The following KSR2 variants were observed in gnomAD, a reference collection of about 807,000 sequenced individuals.
The protein encoded by KSR2 is kinase suppressor of ras 2.
In KSR2, 25 loss-of-function variants were observed where a neutral mutation model predicts 107.8. The observed-to-expected ratio is 0.23, with a 90% confidence interval of 0.17 to 0.32. KSR2 has a LOEUF of 0.32. Among genes scored for constraint, KSR2 ranks in the 10% least tolerant of loss-of-function variants. The probability of loss-of-function intolerance (pLI) is 1.00; values close to 1 mark genes in which losing one functional copy is unlikely to be tolerated. For missense variants in KSR2, 887 were observed against 1,268.9 expected (o/e 0.70, Z 4.57); for synonymous variants, 480 against 507.0 (o/e 0.95, Z 0.71).
intron 5 of KSR2, among the ~76,000 whole-genome samples, chr12:117,600,523 T>G (rs1029522323): frequency 6.6e-6 from 1 of 152,178 alleles, no homozygotes; most frequent in African/African-American, 2.4e-5. Context: ...ATGATGGATT[T>G]GTTCAATGTG....
rs546037934 is a variant in KSR2, at chr12:117,565,264, C to T, written c.1326-6691G>A. ...GATGAAAATTTGCTCCGATCAGCTTCGATCTCTCATTTCTCCTATTTTTTC... is the reference window on the plus strand; with the variant it reads ...GATGAAAATTTGCTCCGATCAGCTTTGATCTCTCATTTCTCCTATTTTTTC... On this transcript the variant is annotated intron_variant, in intron 7 of 19. Transcript: ENST00000339824. 4.9e-4 allele frequency among the ~76,000 whole-genome samples: 74 copies of T among 152,308 alleles called. 1 individual carries two copies. In the South Asian group the frequency reaches 0.015, roughly 30 times the overall value.
chr12:117,732,983 T>C (rs1349208163), intron 4 of KSR2, among the ~76,000 whole-genome samples: 1 of 152,184 alleles, frequency 6.6e-6, no homozygotes, highest in Non-Finnish European at 1.5e-5. Flanking sequence ...CATTGACTTC[T>C]GCTCAGCTGT....
intron 1 of KSR2, among the ~76,000 whole-genome samples, chr12:117,920,032 A>G (rs1460308637): frequency 6.6e-6 from 1 of 152,238 alleles, no homozygotes; most frequent in East Asian, 1.9e-4. Flanking sequence ...GAACCCCAAA[A>G]TACATGAAAT....
intron 5 of KSR2, among the ~76,000 whole-genome samples, chr12:117,583,981 C>T (rs1853489746): frequency 6.6e-6 from 1 of 152,216 alleles, no homozygotes; most frequent in South Asian, 2.1e-4. Context: ...GAGCATTTAA[C>T]CCCCAACCTA....
chr12:117,718,440 G>A (rs951369417), intron 4 of KSR2, among the ~76,000 whole-genome samples: 2 of 152,108 alleles, frequency 1.3e-5, no homozygotes, highest in African/African-American at 2.4e-5. Flanking sequence ...AAATAAATAC[G>A]GCTTTCAGGG....
At chr12:117,531,259 C>A (rs939262458) in intron 11 of KSR2, among the ~76,000 whole-genome samples, 1 of 152,164 alleles carries the variant, frequency 6.6e-6, no homozygotes, top group East Asian at 1.9e-4. Flanking sequence ...CCTCAAATAT[C>A]TAGCCTGAAG....
At chr12:117,665,072 C>T (rs961731247) in intron 5 of KSR2, among the ~76,000 whole-genome samples, 1 of 152,200 alleles carries the variant, frequency 6.6e-6, no homozygotes. Context: ...TACACACTCA[C>T]TCATTCTTCC....
chr12:117,914,344 G>A (rs1282408986), intron 1 of KSR2, among the ~76,000 whole-genome samples: 4 of 150,858 alleles, frequency 2.7e-5, no homozygotes, highest in Non-Finnish European at 4.4e-5. Context: ...CACGAGAATC[G>A]CTCGAACCCA....
At chr12:117,581,592 C>T (rs902939556) in intron 6 of KSR2, among the ~76,000 whole-genome samples, 1 of 152,190 alleles carries the variant, frequency 6.6e-6, no homozygotes, top group African/African-American at 2.4e-5. Flanking sequence ...GCCCCACTCA[C>T]CCTGCTAAGT....
intron 18 of KSR2, among the ~76,000 whole-genome samples, 164 bp from the exon 19 acceptor site, chr12:117,469,959 T>A (rs1871340739): frequency 6.6e-6 from 1 of 151,704 alleles, no homozygotes; most frequent in African/African-American, 2.4e-5. Context: ...CCGGTACGTG[T>A]CTACACATCT....
intron 9 of KSR2, among the ~76,000 whole-genome samples, chr12:117,553,993 G>A (rs998553766): frequency 1.3e-5 from 2 of 152,182 alleles, no homozygotes; most frequent in African/African-American, 4.8e-5. Context: ...TGTACGGCCT[G>A]CAGAACTGAG....
chr12:117,479,881 A>T (rs1872049138), intron 16 of KSR2, among the ~76,000 whole-genome samples: 1 of 152,170 alleles, frequency 6.6e-6, no homozygotes, highest in South Asian at 2.1e-4. Context: ...AGCAGACCCA[A>T]ATTTCTATTT....
chr12:117,634,633 G>A (rs147456727), intron 5 of KSR2, among the ~76,000 whole-genome samples: 3 of 152,244 alleles, frequency 2.0e-5, no homozygotes, highest in East Asian at 1.9e-4. Flanking sequence ...TAAGAGAACC[G>A]GCCACAGGGA....
chr12:117,597,930 G>C (rs1223503307), intron 5 of KSR2, among the ~76,000 whole-genome samples: 1 of 152,218 alleles, frequency 6.6e-6, no homozygotes, highest in African/African-American at 2.4e-5. Context: ...TTTCACAGGA[G>C]AGAAAACCGC....
chr12:117,512,148 T>C (rs888398105), intron 14 of KSR2, among the ~76,000 whole-genome samples: 5 of 152,236 alleles, frequency 3.3e-5, no homozygotes, highest in Non-Finnish European at 7.3e-5. Context: ...GAAGTCTGCA[T>C]GCAGTGGTAA....
chr12:117,843,730 A>C (rs558857417), intron 3 of KSR2, among the ~76,000 whole-genome samples: 1 of 152,248 alleles, frequency 6.6e-6, no homozygotes, highest in South Asian at 2.1e-4. Flanking sequence ...CCTTAAGTTC[A>C]CCACCAGATG....
intron 4 of KSR2, among the ~76,000 whole-genome samples, chr12:117,726,471 C>T (rs1260013878): frequency 2.0e-5 from 3 of 152,176 alleles, no homozygotes; most frequent in Non-Finnish European, 4.4e-5. Context: ...CTGGATAACC[C>T]ATTACTGGGG....
At chr12:117,683,393 G>T (rs905671082) in intron 4 of KSR2, among the ~76,000 whole-genome samples, 2 of 152,074 alleles carry the variant, frequency 1.3e-5, no homozygotes, top group Admixed American at 1.3e-4. Flanking sequence ...ATTTGAGTTG[G>T]ATTTTTGTTT....
At chr12:117,811,449 C>T (rs531211072) in intron 3 of KSR2, among the ~76,000 whole-genome samples, 166 of 152,338 alleles carry the variant, frequency 1.1e-3, no homozygotes, top group Non-Finnish European at 2.0e-3. Context: ...TCCCAGGCCC[C>T]GCCCCAGACA....
Sources: gnomAD v4.1 joint callset for allele counts (sites outside exome capture counted in the v4.1 genomes callset) on GRCh38, gnomAD v4.1.1 for gene constraint, MANE v1.5 for transcripts, NCBI Gene and HGNC (gene_info 2026-07-23, HGNC 2026-07-21) for gene names.